SLMAP: variants seen among roughly 807,000 people sequenced by gnomAD.
SLMAP encodes the protein sarcolemmal membrane-associated protein.
A neutral mutation model predicts 128.8 loss-of-function variants in SLMAP; 44 were observed. The ratio of observed to expected loss-of-function variants is 0.34; its 90% CI spans 0.27 to 0.44. The LOEUF is 0.44. Ranked by LOEUF, SLMAP falls within the 20% of genes least tolerant of loss-of-function variation. The probability of loss-of-function intolerance (pLI) is 1.00; values close to 1 mark genes in which losing one functional copy is unlikely to be tolerated. For missense variants in SLMAP, 787 were observed against 985.3 expected, an observed-to-expected ratio of 0.80 and a Z score of 2.69; for synonymous variants, 327 against 348.8, an observed-to-expected ratio of 0.94 and a Z score of 0.70.
At chr3:57,892,809 CAT>C (rs1553920102) in intron 15 of SLMAP, among the ~76,000 whole-genome samples, 26 of 148,164 alleles carry the variant, frequency 1.8e-4, no homozygotes, top group Middle Eastern at 3.3e-3. Context: ...CACACACACA[CAT>C]ACACACACAA....
intron 3 of SLMAP, among the ~76,000 whole-genome samples, chr3:57,834,309 T>G (rs2093510596): frequency 6.6e-6 from 1 of 151,920 alleles, no homozygotes; most frequent in African/African-American, 2.4e-5. Flanking sequence ...GGTTCTTTTA[T>G]TAATAAAAAG....
intron 6 of SLMAP, among the ~76,000 whole-genome samples, chr3:57,854,645 A>G (rs1280147809): frequency 1.3e-5 from 2 of 152,206 alleles, no homozygotes; most frequent in Non-Finnish European, 2.9e-5. Flanking sequence ...CATTTTTAAA[A>G]GGAAAAATTA....
chr3:57,926,454 A>C (rs954072719), intron 24 of SLMAP, among the ~76,000 whole-genome samples: 6 of 152,306 alleles, frequency 3.9e-5, no homozygotes, highest in African/African-American at 1.4e-4. Flanking sequence ...CCATTGGCTC[A>C]CAATCTCAAC....
chr3:57,847,171 TA>T (rs1248172579), intron 4 of SLMAP, 25 bp from the exon 5 acceptor site: 1 of 1,544,366 alleles, frequency 6.5e-7, no homozygotes, highest in South Asian at 1.2e-5. Context: ...GGATATTAGA[TA>T]AAACTTCTAA....
At chr3:57,905,097 G>A (rs2096493883) in intron 17 of SLMAP, among the ~76,000 whole-genome samples, 1 of 152,072 alleles carries the variant, frequency 6.6e-6, no homozygotes, top group Non-Finnish European at 1.5e-5. Flanking sequence ...AGATCTAAAT[G>A]TTTGGTGTCC....
At chr3:57,827,982 T>C (rs2093042699) in intron 2 of SLMAP, among the ~76,000 whole-genome samples, 1 of 152,230 alleles carries the variant, frequency 6.6e-6, no homozygotes, top group Non-Finnish European at 1.5e-5. Flanking sequence ...AGTCTCACTC[T>C]ATTGCCCAGG....
intron 17 of SLMAP, chr3:57,898,167 T>C (rs2096284921): frequency 6.6e-6 from 1 of 152,222 alleles, no homozygotes; most frequent in African/African-American, 2.4e-5. Context: ...TTTGTACTCT[T>C]CTTAGGTGAT....
At chr3:57,833,154 A>G (rs2093437998) in intron 3 of SLMAP, among the ~76,000 whole-genome samples, 1 of 152,238 alleles carries the variant, frequency 6.6e-6, no homozygotes, top group African/African-American at 2.4e-5. Flanking sequence ...GTTGATTGAC[A>G]AAAAGGATGA....
In SLMAP at chr3:57,850,450, G is replaced by A. The variant is rs371049114; in HGVS notation, c.519+634G>A. 5.3e-5 allele frequency among the ~76,000 whole-genome samples: 8 copies of A among 151,980 alleles called. No homozygotes were observed. In the East Asian group the frequency reaches 9.7e-4, roughly 18 times the overall value. On this transcript the variant is annotated intron_variant, in intron 6 of 24. Coordinates refer to ENST00000671191, the MANE Select transcript of SLMAP (RefSeq NM_001377540.1). ...CAAATTTTTTTGGAGACAGGGTCTCGCTCTGTCTCTCAGGCTGAAGTGCAG... is the reference window on the plus strand; with the variant it reads ...CAAATTTTTTTGGAGACAGGGTCTCACTCTGTCTCTCAGGCTGAAGTGCAG...
chr3:57,764,729 C>A (rs1425588652), intron 2 of SLMAP, among the ~76,000 whole-genome samples: 2 of 152,070 alleles, frequency 1.3e-5, no homozygotes, highest in Non-Finnish European at 2.9e-5. Context: ...GAAATTGAGG[C>A]ACAGAGAGAT....
chr3:57,908,461 A>G (rs2096618960), intron 18 of SLMAP, among the ~76,000 whole-genome samples: 1 of 152,206 alleles, frequency 6.6e-6, no homozygotes, highest in Non-Finnish European at 1.5e-5. Flanking sequence ...GACAATTAGT[A>G]TCTCAAAGAG....
chr3:57,773,166 G>A (rs1044596723), intron 2 of SLMAP, among the ~76,000 whole-genome samples: 2 of 152,222 alleles, frequency 1.3e-5, no homozygotes, highest in Non-Finnish European at 2.9e-5. Flanking sequence ...AAAATGACCA[G>A]TGTTTCCTCC....
At position 57,757,455 on chromosome 3, in the gene SLMAP, A is replaced by G; in HGVS notation, c.-197A>G. On this transcript the variant is annotated 5_prime_UTR_variant, in exon 2 of 25. Coordinates refer to ENST00000671191, the MANE Select transcript of SLMAP (RefSeq NM_001377540.1). ...TCACGGCGTTGCAGCGTTTTAAAGG[A>G]GGTGATGGGGCTTGCGCTGGCTTGT... 1 of 603,294 alleles carries G rather than the reference A, an allele frequency of 1.7e-6. No homozygotes were observed. 37.4% of individuals were successfully genotyped at this position (603,294 alleles called of 1,614,324 possible).
chr3:57,906,845 T>C (rs1472895422), intron 17 of SLMAP, among the ~76,000 whole-genome samples: 2 of 151,780 alleles, frequency 1.3e-5, no homozygotes, highest in Non-Finnish European at 2.9e-5. Context: ...CCTGATGATA[T>C]ATTTATTTCA....
intron 2 of SLMAP, among the ~76,000 whole-genome samples, chr3:57,769,394 C>T (rs1023367829): frequency 4.6e-5 from 7 of 152,030 alleles, no homozygotes; most frequent in South Asian, 2.1e-4. Flanking sequence ...GGGGTTTCAC[C>T]GTGTTAGCCA....
chr3:57,835,076 CGCACCACT>C (rs747456834), intron 3 of SLMAP, among the ~76,000 whole-genome samples: 3 of 145,474 alleles, frequency 2.1e-5, no homozygotes, highest in Non-Finnish European at 4.5e-5. Context: ...GAGCCATGAC[CGCACCACT>C]GCACTCCAGC....
At chr3:57,906,310 C>CCTTTTTTTTTTTTTTTTTTTTT (rs2096547779) in intron 17 of SLMAP, among the ~76,000 whole-genome samples, 1 of 47,048 alleles carries the variant, frequency 2.1e-5, no homozygotes, top group African/African-American at 7.1e-5. Context: ...CTTTTTTTTT[C>CCTTTTTTTTTTTTTTTTTTTTT]TTTTTTTTTT....
chr3:57,887,980 C>G (rs1178220272), intron 14 of SLMAP, among the ~76,000 whole-genome samples: 2 of 152,086 alleles, frequency 1.3e-5, no homozygotes, highest in East Asian at 3.8e-4. Flanking sequence ...TGTATCTAGT[C>G]AAAGCATCAA....
At chr3:57,853,432 C>CT (rs1401519212) in intron 6 of SLMAP, among the ~76,000 whole-genome samples, 1 of 152,172 alleles carries the variant, frequency 6.6e-6, no homozygotes, top group Non-Finnish European at 1.5e-5. Context: ...GAAGTGTATA[C>CT]TTCTCTGTTG....
Sources: allele counts gnomAD v4.1 joint callset (sites outside exome capture counted in the v4.1 genomes callset), GRCh38; gene constraint gnomAD v4.1.1; transcripts MANE v1.5; gene names NCBI Gene and HGNC (gene_info 2026-07-23, HGNC 2026-07-21).